LPP: variants seen among roughly 807,000 people sequenced by gnomAD.
The protein encoded by LPP is LIM domain containing preferred translocation partner in lipoma, also known as lipoma-preferred partner.
In LPP, 38 loss-of-function variants were observed where a neutral mutation model predicts 60.4. The ratio of observed to expected loss-of-function variants is 0.63; its 90% CI spans 0.49 to 0.83. The LOEUF is 0.83. Among genes scored for constraint, LPP ranks in the 40% least tolerant of loss-of-function variants. LPP has a pLI of 0.00. For missense variants in LPP, 902 were observed against 783.6 expected (o/e 1.15, Z -1.80); for synonymous variants, 328 against 290.8 (o/e 1.13, Z -1.30).
At chr3:188,245,206 G>T (rs575026117) in intron 2 of LPP, among the ~76,000 whole-genome samples, 1 of 151,958 alleles carries the variant, frequency 6.6e-6, no homozygotes, top group African/African-American at 2.4e-5. Context: ...TCTGCCTCCC[G>T]GGTTCAAGCA....
At chr3:188,862,115 T>C (rs1204924799) in intron 9 of LPP, among the ~76,000 whole-genome samples, 2 of 152,182 alleles carry the variant, frequency 1.3e-5, no homozygotes, top group Admixed American at 6.5e-5. Flanking sequence ...AGATAGAGTG[T>C]ACAATAGGAA....
chr3:188,563,464 G>GTGTGTGTGTGTGTGTC (rs1448265802), intron 6 of LPP, among the ~76,000 whole-genome samples: 1 of 110,928 alleles, frequency 9.0e-6, no homozygotes, highest in African/African-American at 2.9e-5. Context: ...ATATATATGT[G>GTGTGTGTGTGTGTGTC]TGTGTGTGTG....
chr3:188,864,174 C>A (rs113662606), intron 9 of LPP, among the ~76,000 whole-genome samples: 6 of 152,236 alleles, frequency 3.9e-5, no homozygotes, highest in Admixed American at 2.0e-4. Flanking sequence ...AGTTTCCATG[C>A]GTTTAGACTG....
At chr3:188,225,295 G>C (rs1717330474) in intron 1 of LPP, 110 bp from the exon 2 acceptor site, 1 of 152,188 alleles carries the variant, frequency 6.6e-6, no homozygotes, top group Non-Finnish European at 1.5e-5. Context: ...AGGAGTTTAG[G>C]AGGTATAGAA....
chr3:188,435,138 C>T (rs1338895539), intron 4 of LPP, among the ~76,000 whole-genome samples: 3 of 152,046 alleles, frequency 2.0e-5, no homozygotes, highest in Admixed American at 2.0e-4. Flanking sequence ...GGAAGAATGT[C>T]TGAATGCTAC....
intron 8 of LPP, among the ~76,000 whole-genome samples, chr3:188,737,047 A>C (rs1186778821): frequency 1.3e-5 from 2 of 152,130 alleles, no homozygotes; most frequent in African/African-American, 4.8e-5. Context: ...TTTTTAAAAA[A>C]CACCTTAAAA....
At chr3:188,867,090 C>A (rs532082920) in intron 10 of LPP, among the ~76,000 whole-genome samples, 1 of 152,072 alleles carries the variant, frequency 6.6e-6, no homozygotes, top group Non-Finnish European at 1.5e-5. Flanking sequence ...TATTCATGGG[C>A]CCAAAATAAT....
At chr3:188,652,915 C>T (rs1350134310) in intron 7 of LPP, among the ~76,000 whole-genome samples, 2 of 152,120 alleles carry the variant, frequency 1.3e-5, no homozygotes, top group Non-Finnish European at 2.9e-5. Context: ...GTCTTCTATC[C>T]AGAACCCTAC....
intron 4 of LPP, among the ~76,000 whole-genome samples, chr3:188,470,265 T>TTC (rs1285591281): frequency 3.5e-5 from 5 of 142,022 alleles, no homozygotes; most frequent in Admixed American, 2.9e-4. Flanking sequence ...CTCTCTTTTC[T>TTC]TCTCTCTCTC....
chr3:188,777,756 CATCCAGAA>C (rs1738304158), intron 9 of LPP, among the ~76,000 whole-genome samples: 1 of 152,188 alleles, frequency 6.6e-6, no homozygotes, highest in Admixed American at 6.5e-5. Context: ...TTCTCTCTGA[CATCCAGAA>C]CACTGGAGAG....
intron 5 of LPP, among the ~76,000 whole-genome samples, chr3:188,495,084 T>TATATATATATA (rs61034825): frequency 6.5e-5 from 1 of 15,492 alleles, no homozygotes; most frequent in Admixed American, 1.2e-3. Flanking sequence ...ATATATATAT[T>TATATATATATA]TTATTTATAT....
At chr3:188,246,980 A>C (rs1727190297) in intron 2 of LPP, 1 of 155,496 alleles carries the variant, frequency 6.4e-6, no homozygotes, top group African/African-American at 2.4e-5. Context: ...TGGTTGTCTT[A>C]AGTCACCCAG....
At chr3:188,176,277 G>A (rs1295955400) in intron 1 of LPP, among the ~76,000 whole-genome samples, 1 of 152,060 alleles carries the variant, frequency 6.6e-6, no homozygotes, top group African/African-American at 2.4e-5. Context: ...CTATGATCTA[G>A]TTCAACTTCT....
intron 2 of LPP, among the ~76,000 whole-genome samples, chr3:188,338,182 C>T (rs908196410): frequency 2.0e-5 from 3 of 152,204 alleles, no homozygotes; most frequent in African/African-American, 7.2e-5. Context: ...GAGAGGGAAG[C>T]AATTAAATCC....
intron 6 of LPP, among the ~76,000 whole-genome samples, chr3:188,545,413 CA>C (rs943044063): frequency 2.0e-5 from 3 of 151,942 alleles, no homozygotes; most frequent in African/African-American, 7.3e-5. Context: ...CATATAAATA[CA>C]ATTTTATCTC....
intron 3 of LPP, among the ~76,000 whole-genome samples, chr3:188,354,150 T>C (rs1766804802): frequency 6.6e-6 from 1 of 152,226 alleles, no homozygotes; most frequent in Non-Finnish European, 1.5e-5. Flanking sequence ...TTCTATATTC[T>C]TTCTGAAAAG....
intron 3 of LPP, among the ~76,000 whole-genome samples, chr3:188,395,501 G>A (rs1780724500): frequency 6.6e-6 from 1 of 151,966 alleles, no homozygotes; most frequent in Non-Finnish European, 1.5e-5. Flanking sequence ...CAAAGTGCTA[G>A]GATTATATGT....
chr3:188,172,442 G>A (rs1301504712), intron 1 of LPP, among the ~76,000 whole-genome samples: 1 of 152,200 alleles, frequency 6.6e-6, no homozygotes, highest in Non-Finnish European at 1.5e-5. Context: ...TTAGAACAGA[G>A]CCTGACATGT....
At chr3:188,639,748 C>CA (rs550358689) in intron 7 of LPP, among the ~76,000 whole-genome samples, 19 of 151,896 alleles carry the variant, frequency 1.3e-4, no homozygotes, top group Middle Eastern at 3.4e-3. Context: ...TTTATGCAGC[C>CA]AAAAAAACAC....
Sources: allele counts gnomAD v4.1 joint callset (sites outside exome capture counted in the v4.1 genomes callset), GRCh38; gene constraint gnomAD v4.1.1; transcripts MANE v1.5; gene names NCBI Gene and HGNC (gene_info 2026-07-23, HGNC 2026-07-21).